NFILZ: variants seen among roughly 807,000 people sequenced by gnomAD.
NFILZ encodes NFIL3 like protein.
At position 8,671,882 on chromosome 19, in the gene NFILZ, A is replaced by G. The variant is rs897478177; in HGVS notation, c.-163-2669A>G. On this transcript the variant is annotated intron_variant, in intron 3 of 5. Coordinates refer to ENST00000691075, the MANE Select transcript of NFILZ (RefSeq NM_001378600.1). The stretch of plus-strand genomic sequence containing the variant: ...AGGGGAATTCTGTGGCTAGTGGGGG[A>G]CCCCAAGTGAGGGCTTGTCTGGGGT... Among the ~76,000 whole-genome samples the G allele has an allele frequency of 6.4e-3, 966 of 151,730 alleles. 14 individuals are homozygous for G. Among genetic ancestry groups the G allele is most frequent in the African/African-American group, 0.022 (925 of 41,372 alleles).
intron 3 of NFILZ, among the ~76,000 whole-genome samples, chr19:8,661,324 G>GGCTAGT (rs1243514503): frequency 2.0e-4 from 31 of 151,518 alleles, no homozygotes; most frequent in African/African-American, 7.5e-4. Flanking sequence ...CACCACGCCT[G>GGCTAGT]GCTAGTTTTT....
chr19:8,644,971 G>C (rs2042932780), intron 3 of NFILZ, among the ~76,000 whole-genome samples: 1 of 151,658 alleles, frequency 6.6e-6, no homozygotes, highest in South Asian at 2.1e-4. Context: ...CGCCATGTTG[G>C]TCAGGCTGGT....
intron 2 of NFILZ, among the ~76,000 whole-genome samples, chr19:8,633,882 CCTTCCTT>C (rs1555745807): frequency 6.9e-5 from 2 of 29,160 alleles, no homozygotes; most frequent in East Asian, 1.3e-3. Flanking sequence ...TTTCTCCCTT[CCTTCCTT>C]CCTTCCTTCC....
Position 8,650,744 on chromosome 19 carries a change from C to T in NFILZ, c.-164+14998C>T, listed in dbSNP as rs78850613. 4.5e-3 allele frequency among the ~76,000 whole-genome samples: 690 copies of T among 151,744 alleles called. 8 individuals carry two copies. Among genetic ancestry groups the T allele is most frequent in the African/African-American group, 0.016 (657 of 41,424 alleles). On this transcript the variant is annotated intron_variant, in intron 3 of 5. Coordinates refer to ENST00000691075, the MANE Select transcript of NFILZ (RefSeq NM_001378600.1). ...GGACATTGATGCTGATAGAATATGA[C>T]TGATTCTCTCCAGTACAGAATTTAC...
intron 3 of NFILZ, among the ~76,000 whole-genome samples, chr19:8,656,111 G>C (rs1449540304): frequency 7.0e-6 from 1 of 142,770 alleles, no homozygotes; most frequent in East Asian, 2.0e-4. Flanking sequence ...GGAGGAGGGA[G>C]CACCAGGCTG....
chr19:8,635,000 C>A (rs1555745958), intron 2 of NFILZ, among the ~76,000 whole-genome samples: 1 of 151,862 alleles, frequency 6.6e-6, no homozygotes, highest in East Asian at 1.9e-4. Context: ...ACCCTATAAC[C>A]ACAACCTCAA....
intron 3 of NFILZ, among the ~76,000 whole-genome samples, chr19:8,664,750 C>T (rs1458843561): frequency 1.3e-5 from 2 of 151,996 alleles, no homozygotes; most frequent in African/African-American, 2.4e-5. Context: ...CTTGGGCAGA[C>T]TTTTGAGTCA....
intron 4 of NFILZ, among the ~76,000 whole-genome samples, chr19:8,676,029 A>G (rs1555750682): frequency 6.6e-6 from 1 of 152,182 alleles, no homozygotes; most frequent in Admixed American, 6.5e-5. Context: ...TGAGTGAGTA[A>G]GTGGTAGATG....
At chr19:8,665,785 T>A (rs782338971) in intron 3 of NFILZ, among the ~76,000 whole-genome samples, 12 of 152,344 alleles carry the variant, frequency 7.9e-5, no homozygotes, top group Non-Finnish European at 1.5e-4. Flanking sequence ...AATTGGTATC[T>A]CATGTAAATG....
chr19:8,647,109 A>G (rs1336941989), intron 3 of NFILZ, among the ~76,000 whole-genome samples: 1 of 152,202 alleles, frequency 6.6e-6, no homozygotes, highest in East Asian at 1.9e-4. Flanking sequence ...TGATTAGAAC[A>G]ATGCTGAACT....
rs1297999021 is a variant in NFILZ at position 8,658,827 on chromosome 19, G to GT, written c.-163-15723dup. Reference sequence around the variant, plus strand: ...TTGCTGGGCGCAGTGGCTCATGCCTGTATTTCCAGCTGTTCAGGAGGCTGA... The same window carrying GT: ...TTGCTGGGCGCAGTGGCTCATGCCTGTTATTTCCAGCTGTTCAGGAGGCTGA... On this transcript the variant is annotated intron_variant, in intron 3 of 5. Transcript: ENST00000691075. Among the ~76,000 whole-genome samples the GT allele has an allele frequency of 1.1e-4, 16 of 152,350 alleles. No homozygotes were observed. The South Asian group carries it at 3.3e-3, about 32-fold the overall frequency.
In NFILZ at chr19:8,680,295, G is replaced by A. The variant is rs1403480296; in HGVS notation, c.*2660G>A. On this transcript the variant is annotated 3_prime_UTR_variant, in exon 6 of 6. Transcript: ENST00000691075. ...CCGAGCTTGTGGCTCAGCTATAACA[G>A]CATTTTCATTCATTCATTCATTCAT... 8.4e-6 allele frequency among the ~76,000 whole-genome samples: 1 copy of A among 119,150 alleles called. No individual in the cohort carries two copies. Among genetic ancestry groups the A allele is most frequent in the Non-Finnish European group, 1.7e-5 (1 of 60,234 alleles). The allele number at this position is 119,150 out of a possible 152,430, so 78.2% of individuals were successfully genotyped here. A position where few individuals can be genotyped will look rare whatever the true frequency, so the allele number is the denominator to read the frequency against.
intron 3 of NFILZ, among the ~76,000 whole-genome samples, chr19:8,653,198 A>G (rs1366823412): frequency 1.3e-5 from 2 of 151,472 alleles, no homozygotes; most frequent in Non-Finnish European, 2.9e-5. Flanking sequence ...CTCCTGCCTC[A>G]GCCTCCCAAG....
intron 3 of NFILZ, among the ~76,000 whole-genome samples, chr19:8,639,040 C>T (rs1427050630): frequency 1.3e-5 from 2 of 151,974 alleles, no homozygotes; most frequent in South Asian, 2.1e-4. Context: ...GACAGGCTTT[C>T]ACCACATTGG....
rs1029204755 is a variant in NFILZ at position 8,677,491 on chromosome 19, T to G, written c.726T>G (p.Gly242=). The G allele has an allele frequency of 4.3e-4, 66 of 152,362 alleles. No homozygotes were observed. Among genetic ancestry groups the G allele is most frequent in the African/African-American group, 1.5e-3 (63 of 41,546 alleles). The allele number at this position is 152,362 out of a possible 1,614,324, so 9.4% of individuals were successfully genotyped here. Residue 242 remains glycine (G), a synonymous_variant, in exon 6 of 6, where the codon GGT becomes GGG. Coordinates refer to ENST00000691075, the MANE Select transcript of NFILZ (RefSeq NM_001378600.1). ...TGACACCCACTGCTGATCCCATGGG[T>G]CTGTCTCCTGGGGTGACCTGCCCTG... The part of the protein sequence containing the change: ...VLLTPTADPM[G]LSPGVTCPAP...
chr19:8,654,012 TGAG>T (rs1436156141), intron 3 of NFILZ, among the ~76,000 whole-genome samples: 1 of 152,100 alleles, frequency 6.6e-6, no homozygotes, highest in Non-Finnish European at 1.5e-5. Context: ...GTGGATCACC[TGAG>T]GTCAGGAGTT....
chr19:8,670,976 C>T (rs2043083869), intron 3 of NFILZ, among the ~76,000 whole-genome samples: 1 of 134,030 alleles, frequency 7.5e-6, no homozygotes, highest in Non-Finnish European at 1.5e-5. Context: ...GCCTGGGTGA[C>T]AGAGTGAGAC....
intron 3 of NFILZ, among the ~76,000 whole-genome samples, chr19:8,665,843 T>C (rs2043059538): frequency 6.6e-6 from 1 of 152,214 alleles, no homozygotes; most frequent in Non-Finnish European, 1.5e-5. Flanking sequence ...AAACAATTTC[T>C]CCAGACATGC....
chr19:8,642,953 C>CTTT (rs35200818), intron 3 of NFILZ, among the ~76,000 whole-genome samples: 16,795 of 139,250 alleles, frequency 0.12, 1,653 homozygotes, highest in East Asian at 0.43. Flanking sequence ...GATTTTGACT[C>CTTT]TTTTTTTTTT....
Sources: allele counts gnomAD v4.1 joint callset (sites outside exome capture counted in the v4.1 genomes callset), GRCh38; gene constraint gnomAD v4.1.1; transcripts MANE v1.5; gene names NCBI Gene and HGNC (gene_info 2026-07-23, HGNC 2026-07-21).